SLC13A4: variants seen among roughly 807,000 people sequenced by gnomAD.
SLC13A4 encodes the protein solute carrier family 13 member 4.
A neutral mutation model predicts 72.7 loss-of-function variants in SLC13A4; 28 were observed. The ratio of observed to expected loss-of-function variants is 0.39; its 90% CI spans 0.29 to 0.53. The LOEUF (loss-of-function observed/expected upper bound fraction) is 0.53. Ranked by LOEUF, SLC13A4 falls within the 20% of genes least tolerant of loss-of-function variation. The pLI is 0.78. For synonymous variants in SLC13A4, 312 were observed against 325.5 expected, an observed-to-expected ratio of 0.96 and a Z score of 0.45; for missense variants, 653 against 788.0, an observed-to-expected ratio of 0.83 and a Z score of 2.05.
rs1331299094 is a variant in SLC13A4, at chr7:135,721,373, G to A, written c.228+22C>T. On this transcript the variant is annotated intron_variant, in intron 2 of 15. Coordinates refer to ENST00000682651, the MANE Select transcript of SLC13A4 (RefSeq NM_001318192.2). Reference sequence around the variant, plus strand: ...GGCCCTGCAGGGACCCAGGCAGGGGGTGGGGCTACAAGTAGTCTAACCTCA... The same window carrying A: ...GGCCCTGCAGGGACCCAGGCAGGGGATGGGGCTACAAGTAGTCTAACCTCA... 3.1e-6 allele frequency: 5 copies of A among 1,613,080 alleles called. No individual in the cohort carries two copies. The African/African-American group carries it at 4.0e-5, about 13-fold the overall frequency.
At chr7:135,695,691 A>T (rs974812503) in intron 8 of SLC13A4, among the ~76,000 whole-genome samples, 1 of 152,032 alleles carries the variant, frequency 6.6e-6, no homozygotes, top group South Asian at 2.1e-4. Flanking sequence ...GAAACTAGCT[A>T]AAAAAAGGAA....
At chr7:135,691,093 G>C in intron 13 of SLC13A4, 108 bp downstream of exon 13, 1 of 969,934 alleles carries the variant, frequency 1.0e-6, no homozygotes, top group Non-Finnish European at 1.5e-6. Flanking sequence ...GAACCCAGGA[G>C]GCGGAGGTTG....
At chr7:135,724,720 A>G (rs1187604764) in intron 1 of SLC13A4, among the ~76,000 whole-genome samples, 2 of 152,092 alleles carry the variant, frequency 1.3e-5, no homozygotes. Context: ...AATTACTATC[A>G]TTTTTTACCT....
chr7:135,691,664 TAGCTG>T lies in SLC13A4; in HGVS notation c.1224-24_1224-20del, dbSNP rs752355305. The stretch of plus-strand genomic sequence containing the variant: ...GCCTTTCCTAGTAAAGAGACAAGCA[TAGCTG>T]AGGAGAAGGGTCAGGAATTTTCAGG... On this transcript the variant is annotated intron_variant, in intron 11 of 15. Transcript: ENST00000682651. 7 of 1,569,000 alleles carry T rather than the reference TAGCTG, an allele frequency of 4.5e-6. No homozygotes were observed. In the African/African-American group the frequency reaches 9.5e-5, roughly 21 times the overall value.
At chr7:135,702,601 C>T in intron 6 of SLC13A4, 1 of 461,344 alleles carries the variant, frequency 2.2e-6, no homozygotes, top group Non-Finnish European at 3.9e-6. Context: ...GTCTTGAACT[C>T]CTGGCCTCAA....
chr7:135,692,732 C>T, intron 10 of SLC13A4: 2 of 273,808 alleles, frequency 7.3e-6, no homozygotes, highest in Non-Finnish European at 1.4e-5. Flanking sequence ...CAGCCCCAAA[C>T]ACTGTGCTGG....
intron 1 of SLC13A4, among the ~76,000 whole-genome samples, chr7:135,724,530 G>GGA (rs10624974): frequency 0.71 from 100,590 of 142,030 alleles, 36,274 homozygotes; most frequent in African/African-American, 0.83. Flanking sequence ...AAAGAAGAAA[G>GGA]GAGAGAGAGA....
chr7:135,703,008 C>T (rs371224398), intron 5 of SLC13A4, 124 bp from the exon 6 acceptor site: 28 of 691,692 alleles, frequency 4.0e-5, no homozygotes, highest in South Asian at 2.8e-4. Flanking sequence ...TTTCTAGTCT[C>T]CAGAGAAGAC....
rs1796211538 is a variant in SLC13A4, at chr7:135,708,166, G to A, written c.313C>T (p.His105Tyr). Residue 105 changes from histidine (H) to tyrosine (Y), a missense_variant, in exon 3 of 16, where the codon CAT (histidine) becomes TAT (tyrosine). By Grantham distance (83) the His-to-Tyr change is moderately conservative (BLOSUM62 2). Transcript: ENST00000682651. ...ACCATGCGCAGAGCAATGCGCTTAT[G>A]CAGGTTCCACTTCTCCACGGCAGCC... ...VAAAVEKWNL[H>Y]KRIALRMVLM... The A allele has an allele frequency of 1.9e-6, 3 of 1,614,114 alleles. No homozygotes were observed. The highest frequency in any genetic ancestry group is 2.5e-6 in the Non-Finnish European group (3 of 1,180,042).
At chr7:135,684,408 G>A (rs1795575648) in intron 14 of SLC13A4, 147 bp from the exon 15 acceptor site, 1 of 836,754 alleles carries the variant, frequency 1.2e-6, no homozygotes, top group South Asian at 2.5e-5. Context: ...CTGCCCTCTG[G>A]GGCATGCAGT....
intron 13 of SLC13A4, among the ~76,000 whole-genome samples, chr7:135,690,452 T>C (rs59145704): frequency 0.027 from 4,071 of 152,234 alleles, 184 homozygotes; most frequent in African/African-American, 0.093. Flanking sequence ...GCTCAGTCTA[T>C]GTATTGTGGA....
intron 3 of SLC13A4, 116 bp downstream of exon 3, chr7:135,707,998 C>G (rs908620133): frequency 7.4e-6 from 10 of 1,357,552 alleles, no homozygotes; most frequent in African/African-American, 1.4e-5. Context: ...CAGCCCGACC[C>G]TTTGGTAAAA....
intron 3 of SLC13A4, among the ~76,000 whole-genome samples, 172 bp from the exon 4 acceptor site, chr7:135,706,472 C>A (rs533211625): frequency 6.6e-6 from 1 of 152,186 alleles, no homozygotes; most frequent in Non-Finnish European, 1.5e-5. Context: ...CTTGGCACAG[C>A]GTAAGTATTA....
intron 2 of SLC13A4, among the ~76,000 whole-genome samples, chr7:135,714,801 G>A (rs903894279): frequency 1.3e-5 from 2 of 152,294 alleles, no homozygotes; most frequent in East Asian, 1.9e-4. Flanking sequence ...GATGACAGCC[G>A]ACTCCGGCGG....
intron 2 of SLC13A4, among the ~76,000 whole-genome samples, chr7:135,714,977 AGTGTGTGTAT>A (rs1796381619): frequency 6.9e-6 from 1 of 145,018 alleles, no homozygotes; most frequent in Admixed American, 7.4e-5. Flanking sequence ...TGTATGTGAA[AGTGTGTGTAT>A]GTGTGTGTAT....
At chr7:135,715,699 T>C (rs1472939577) in intron 2 of SLC13A4, among the ~76,000 whole-genome samples, 1 of 152,198 alleles carries the variant, frequency 6.6e-6, no homozygotes, top group African/African-American at 2.4e-5. Flanking sequence ...CTCTATGCCA[T>C]TCTCCTATAG....
intron 2 of SLC13A4, among the ~76,000 whole-genome samples, chr7:135,714,991 T>A (rs1796382103): frequency 9.7e-6 from 1 of 102,730 alleles, no homozygotes; most frequent in African/African-American, 3.7e-5. Context: ...TGTGTATGTG[T>A]GTGTATATGT....
At position 135,706,076 on chromosome 7, in the gene SLC13A4, C is replaced by T. The variant is rs1467841917; in HGVS notation, c.538+52G>A. On this transcript the variant is annotated intron_variant, in intron 4 of 15. Coordinates refer to ENST00000682651, the MANE Select transcript of SLC13A4 (RefSeq NM_001318192.2). ...TCCCTAGAGGAGCCAGGCAGGAGGA[C>T]CCCAGGGGAGGTTGGAGGAGCAAAG... is the stretch of plus-strand genomic sequence containing the variant. 3 of 1,521,386 alleles carry T rather than the reference C, an allele frequency of 2.0e-6. No homozygotes were observed. The African/African-American group carries it at 4.1e-5, about 21-fold the overall frequency. 94.2% of individuals were successfully genotyped at this position (1,521,386 alleles called of 1,614,324 possible). A position where few individuals can be genotyped will look rare whatever the true frequency, so the allele number is the denominator to read the frequency against.
intron 15 of SLC13A4, among the ~76,000 whole-genome samples, chr7:135,682,976 G>GACTTA (rs1412575638): frequency 6.6e-6 from 1 of 152,046 alleles, no homozygotes; most frequent in Non-Finnish European, 1.5e-5. Flanking sequence ...TATCACGGAT[G>GACTTA]ACTTAGATGA....
Sources: allele counts gnomAD v4.1 joint callset (sites outside exome capture counted in the v4.1 genomes callset), GRCh38; gene constraint gnomAD v4.1.1; transcripts MANE v1.5; gene names NCBI Gene and HGNC (gene_info 2026-07-23, HGNC 2026-07-21).